The following BTK variants were observed in gnomAD, a reference collection of about 807,000 sequenced individuals.
BTK encodes tyrosine-protein kinase BTK.
Under a neutral mutation model 57.4 loss-of-function variants are expected in BTK, and 5 were observed. The observed-to-expected ratio is 0.09, with a 90% CI of 0.05 to 0.18. The LOEUF is 0.18. Among genes scored for constraint, BTK ranks in the 10% least tolerant of loss-of-function variants. The probability of loss-of-function intolerance (pLI) is 1.00; values close to 1 mark genes in which losing one functional copy is unlikely to be tolerated. For missense variants in BTK, 194 were observed against 501.2 expected (o/e 0.39, Z 5.85); for synonymous variants, 154 against 174.3 (o/e 0.88, Z 0.92).
Position 101,349,466 on chromosome X carries a change from AATTTT to A in BTK, c.*414_*418del. On this transcript the variant is annotated 3_prime_UTR_variant, in exon 19 of 19. Coordinates refer to ENST00000308731, the MANE Select transcript of BTK (RefSeq NM_000061.3). ...ACCAAAGACTTTCAAGCTTTCTAGT[AATTTT>A]ATTTTATCAAAACACCCTCCCCTCC... 5.4e-6 allele frequency: 1 copy of A among 184,915 alleles called. No homozygotes were observed. Among genetic ancestry groups the A allele is most frequent in the East Asian group, 8.0e-5 (1 of 12,530 alleles). The allele number at this position is 184,915 out of a possible 1,213,427, so 15.2% of individuals were successfully genotyped here. A position where few individuals can be genotyped will look rare whatever the true frequency, so the allele number is the denominator to read the frequency against.
At chrX:101,371,401 T>G (rs1180592794) in intron 4 of BTK, among the ~76,000 whole-genome samples, 1 of 112,359 alleles carries the variant, frequency 8.9e-6, no homozygotes, top group Non-Finnish European at 1.9e-5. Context: ...GAATTGGTGC[T>G]GCTATGTATT....
intron 18 of BTK, 48 bp downstream of exon 18, chrX:101,353,146 C>T (rs781794942): frequency 9.5e-6 from 11 of 1,153,193 alleles, no homozygotes; most frequent in Non-Finnish European, 1.3e-5. Context: ...GCTAAATGGG[C>T]AAGTAGATTC....
intron 1 of BTK, among the ~76,000 whole-genome samples, chrX:101,375,591 G>A (rs781887506): frequency 4.5e-5 from 5 of 112,048 alleles, no homozygotes; most frequent in East Asian, 2.8e-4. Flanking sequence ...TAAATGGCAC[G>A]CACCTGTGTG....
chrX:101,361,512 C>CA (rs374694373), intron 7 of BTK, among the ~76,000 whole-genome samples: 30,360 of 70,325 alleles, frequency 0.43, 6,464 homozygotes, highest in African/African-American at 0.76. Flanking sequence ...AAGAAGGAAC[C>CA]AAAAAAAAAA....
chrX:101,355,568 AGCTGG>A, intron 15 of BTK: 11 of 123,058 alleles, frequency 8.9e-5, no homozygotes, highest in Middle Eastern at 4.4e-3. Flanking sequence ...TTTCAAGAGA[AGCTGG>A]AAATTCCAGG....
chrX:101,355,637 A>G (rs1449842210), intron 15 of BTK: 3 of 147,445 alleles, frequency 2.0e-5, no homozygotes, highest in African/African-American at 9.3e-5. Flanking sequence ...TAATTATTAT[A>G]TAACATAAAA....
In BTK at chrX:101,356,168, T is replaced by C; in HGVS notation, c.1450A>G (p.Asn484Asp). The C allele has an allele frequency of 8.3e-7, 1 of 1,211,540 alleles. No homozygotes were observed. Among genetic ancestry groups the C allele is most frequent in the Non-Finnish European group, 1.1e-6 (1 of 895,413 alleles). ...CGGTGGCGCATCTCCCTCAGGTAGT[T>C]CAGGAGGCAGCCATTGGCCATGTAC... is the stretch of plus-strand genomic sequence containing the variant. ...TEYMANGCLLNYLREMRHRFQ... is the reference protein window; with the variant it reads ...TEYMANGCLLDYLREMRHRFQ... Residue 484 changes from asparagine to aspartate, a missense_variant, in exon 15 of 19, where the codon AAC becomes GAC. By Grantham distance (23) the Asn-to-Asp change is conservative (BLOSUM62 1). Coordinates refer to ENST00000308731, the MANE Select transcript of BTK (RefSeq NM_000061.3).
At chrX:101,352,890 C>A (rs1307137718) in intron 18 of BTK, among the ~76,000 whole-genome samples, 1 of 100,185 alleles carries the variant, frequency 1.0e-5, no homozygotes, top group African/African-American at 3.8e-5. Context: ...CAGAGCAAGA[C>A]TGTGTCACCA....
intron 3 of BTK, among the ~76,000 whole-genome samples, chrX:101,372,560 T>A (rs1927067185): frequency 9.2e-6 from 1 of 109,192 alleles, no homozygotes; most frequent in Non-Finnish European, 1.9e-5. Flanking sequence ...GGGAGTCTCC[T>A]GCCTCAGCCT....
At chrX:101,355,017 G>A (rs933997473) in intron 15 of BTK, among the ~76,000 whole-genome samples, 3 of 112,546 alleles carry the variant, frequency 2.7e-5, no homozygotes, top group African/African-American at 6.5e-5. Context: ...AGTGGCTCAC[G>A]CCTGTAATCC....
chrX:101,359,182 G>A (rs1926584328), intron 10 of BTK, 111 bp downstream of exon 10: 9 of 850,376 alleles, frequency 1.1e-5, no homozygotes, highest in South Asian at 6.0e-5. Context: ...GATCCCAGAC[G>A]ATGGCAGCTT....
Position 101,356,019 on chromosome X carries a change from C to G in BTK, c.1566+33G>C, listed in dbSNP as rs374696747. On this transcript the variant is annotated intron_variant, in intron 15 of 18. Transcript: ENST00000308731. ...CACTGCTACTTCCACCCCATCAGCCCTTTGTCCTAGGCCAATCCTTCTAAG... is the reference window on the plus strand; with the variant it reads ...CACTGCTACTTCCACCCCATCAGCCGTTTGTCCTAGGCCAATCCTTCTAAG... 33 of 1,191,273 alleles carry G rather than the reference C, an allele frequency of 2.8e-5. No individual in the cohort carries two copies. In the African/African-American group the frequency reaches 5.8e-4, roughly 21 times the overall value.
chrX:101,373,788 T>A (rs183025381), intron 3 of BTK, among the ~76,000 whole-genome samples: 100 of 111,875 alleles, frequency 8.9e-4, no homozygotes, highest in African/African-American at 3.0e-3. Context: ...ACGCCTGTAA[T>A]CTTTGCACTT....
At chrX:101,360,965 A>G (rs1365682044) in intron 7 of BTK, among the ~76,000 whole-genome samples, 2 of 111,408 alleles carry the variant, frequency 1.8e-5, no homozygotes, top group Non-Finnish European at 3.8e-5. Flanking sequence ...TTAAATTCCA[A>G]TGTACTTTCG....
intron 3 of BTK, 74 bp from the exon 4 acceptor site, chrX:101,371,775 C>A (rs945607279): frequency 1.2e-5 from 11 of 899,026 alleles, no homozygotes; most frequent in Admixed American, 2.2e-5. Flanking sequence ...GTACTAGAAG[C>A]CTTTTGCTGT....
chrX:101,374,345 T>G, intron 3 of BTK, 191 bp downstream of exon 3: 1 of 461,448 alleles, frequency 2.2e-6, no homozygotes, highest in Non-Finnish European at 3.8e-6. Context: ...CCATGTTTAG[T>G]GAGATGTTCT....
rs2147427363 is a variant in BTK at position 101,356,144 on chromosome X, G to A, written c.1474C>T (p.Arg492Cys). The A allele has an allele frequency of 4.1e-6, 5 of 1,211,374 alleles. No homozygotes were observed. Among genetic ancestry groups the A allele is most frequent in the South Asian group, 1.8e-5 (1 of 56,913 alleles). ...TCTAGCAGCTGCTGAGTCTGGAAGCGGTGGCGCATCTCCCTCAGGTAGTTC... is the reference window on the plus strand; with the variant it reads ...TCTAGCAGCTGCTGAGTCTGGAAGCAGTGGCGCATCTCCCTCAGGTAGTTC... ...LLNYLREMRH[R>C]FQTQQLLEMC... Residue 492 changes from arginine (R) to cysteine (C), a missense_variant, in exon 15 of 19, where the codon CGC (arginine) becomes TGC (cysteine). Physicochemically the swap from Arg to Cys is radical, Grantham distance 180. Transcript: ENST00000308731.
At chrX:101,354,228 G>T (rs1555977535) in intron 16 of BTK, 2 of 423,013 alleles carry the variant, frequency 4.7e-6, no homozygotes. Flanking sequence ...GATCTAGTAG[G>T]TACTCCCTTC....
chrX:101,381,953 A>G (rs1344148615), intron 1 of BTK, among the ~76,000 whole-genome samples: 2 of 105,390 alleles, frequency 1.9e-5, no homozygotes, highest in Non-Finnish European at 3.9e-5. Flanking sequence ...AATTGCTTGA[A>G]CCCAGGAGGC....
Sources: gnomAD v4.1 joint callset for allele counts (sites outside exome capture counted in the v4.1 genomes callset) on GRCh38, gnomAD v4.1.1 for gene constraint, MANE v1.5 for transcripts, NCBI Gene and HGNC (gene_info 2026-07-23, HGNC 2026-07-21) for gene names.